Variants in SLCO4C1 observed in about 807,000 individuals in gnomAD.
SLCO4C1 encodes organic anion transporter M1.
SLCO4C1 carries 58 observed loss-of-function variants against 72.1 expected under a neutral mutation model. The ratio of observed to expected loss-of-function variants is 0.80; its 90% CI spans 0.65 to 1.00. SLCO4C1 has a LOEUF of 1.00. SLCO4C1 is among the 50% of genes least tolerant of loss of function. SLCO4C1 has a pLI of 0.00. For missense variants in SLCO4C1, 898 were observed against 857.9 expected (o/e 1.05, Z -0.58); for synonymous variants, 297 against 312.5 (o/e 0.95, Z 0.52).
chr5:102,289,232 T>C (rs1049067668), intron 2 of SLCO4C1, among the ~76,000 whole-genome samples: 13 of 152,338 alleles, frequency 8.5e-5, no homozygotes, highest in Admixed American at 7.2e-4. Flanking sequence ...AAGTTTATGA[T>C]CTGGCTTCAG....
chr5:102,263,923 C>T lies in SLCO4C1; in HGVS notation c.803-143G>A. 8.2e-6 allele frequency: 5 copies of T among 608,262 alleles called. No homozygotes were observed. The South Asian group carries it at 1.2e-4, about 15-fold the overall frequency. The allele number at this position is 608,262 out of a possible 1,614,324, so 37.7% of individuals were successfully genotyped here. On this transcript the variant is annotated intron_variant, in intron 3 of 12. Coordinates refer to ENST00000310954, the MANE Select transcript of SLCO4C1 (RefSeq NM_180991.5). ...CACACATATTTTCACTAAAACAATA[C>T]CATTTGAATTGATAGTCAAGTCAAA...
chr5:102,257,614 G>A (rs1036835039), intron 7 of SLCO4C1, among the ~76,000 whole-genome samples: 2 of 102,862 alleles, frequency 1.9e-5, no homozygotes, highest in Non-Finnish European at 3.8e-5. Context: ...TTAAGTTTAA[G>A]TGTCTTTTTT....
At chr5:102,237,722 A>C (rs1748465897) in intron 12 of SLCO4C1, among the ~76,000 whole-genome samples, 1 of 152,224 alleles carries the variant, frequency 6.6e-6, no homozygotes, top group Admixed American at 6.5e-5. Context: ...AACCTGAATA[A>C]ATTGAAGAAC....
At chr5:102,266,511 G>A (rs1203351414) in intron 3 of SLCO4C1, among the ~76,000 whole-genome samples, 1 of 152,060 alleles carries the variant, frequency 6.6e-6, no homozygotes, top group Non-Finnish European at 1.5e-5. Flanking sequence ...TTAGCCAGGT[G>A]TGGTGGCAGG....
intron 2 of SLCO4C1, among the ~76,000 whole-genome samples, chr5:102,277,583 T>C (rs1749269625): frequency 6.6e-6 from 1 of 152,140 alleles, no homozygotes; most frequent in South Asian, 2.1e-4. Context: ...AGTGGAGTTC[T>C]AGTGGAGATC....
At position 102,261,895 on chromosome 5, in the gene SLCO4C1, A is replaced by C; in HGVS notation, c.1021+17T>G. Reference sequence around the variant, plus strand: ...AATTAAAATAAACCTCTCTGGTTTTAAAGAAAGCATGTTTACCTGGTAAAT... The same window carrying C: ...AATTAAAATAAACCTCTCTGGTTTTCAAGAAAGCATGTTTACCTGGTAAAT... On this transcript the variant is annotated intron_variant, in intron 5 of 12. Coordinates refer to ENST00000310954, the MANE Select transcript of SLCO4C1 (RefSeq NM_180991.5). The C allele has an allele frequency of 1.2e-6, 2 of 1,604,258 alleles. No individual in the cohort carries two copies. Among genetic ancestry groups the C allele is most frequent in the African/African-American group, 1.3e-5 (1 of 74,260 alleles).
chr5:102,280,156 A>G (rs1212326517), intron 2 of SLCO4C1, among the ~76,000 whole-genome samples: 1 of 151,430 alleles, frequency 6.6e-6, no homozygotes, highest in African/African-American at 2.4e-5. Context: ...TACAGGAAGT[A>G]ATAAAACTGT....
intron 2 of SLCO4C1, among the ~76,000 whole-genome samples, chr5:102,281,459 G>A (rs539984728): frequency 1.4e-4 from 22 of 152,168 alleles, no homozygotes; most frequent in Non-Finnish European, 2.8e-4. Context: ...TATTTAAATT[G>A]AAAATTTTCA....
intron 10 of SLCO4C1, among the ~76,000 whole-genome samples, chr5:102,241,100 A>G (rs1394613295): frequency 6.6e-6 from 1 of 152,142 alleles, no homozygotes; most frequent in African/African-American, 2.4e-5. Context: ...TATGTATAGA[A>G]GGAGTGTACC....
chr5:102,258,822 A>G (rs959538250), intron 6 of SLCO4C1, among the ~76,000 whole-genome samples: 2 of 151,990 alleles, frequency 1.3e-5, no homozygotes, highest in African/African-American at 4.8e-5. Flanking sequence ...TCAGAGCCAC[A>G]TAGACTGACA....
chr5:102,245,539 CA>C (rs965702049), intron 10 of SLCO4C1, among the ~76,000 whole-genome samples: 20 of 152,164 alleles, frequency 1.3e-4, no homozygotes, highest in African/African-American at 4.8e-4. Context: ...CCCAGATATA[CA>C]AAGCAAATAT....
At position 102,244,046 on chromosome 5, in the gene SLCO4C1, G is replaced by T. The variant is rs1305882963; in HGVS notation, c.1811+3206C>A. On this transcript the variant is annotated intron_variant, in intron 10 of 12. Coordinates refer to ENST00000310954, the MANE Select transcript of SLCO4C1 (RefSeq NM_180991.5). ...TACCAAAAATACAAAAATTAGCTGG[G>T]CATGGTGGTGCACGTCTGTCATCCC... 3.9e-5 allele frequency among the ~76,000 whole-genome samples: 6 copies of T among 152,174 alleles called. No individual in the cohort carries two copies. The East Asian group carries it at 7.7e-4, about 20-fold the overall frequency.
Position 102,287,538 on chromosome 5 carries a change from T to C in SLCO4C1, c.619+3805A>G, listed in dbSNP as rs995296896. On this transcript the variant is annotated intron_variant, in intron 2 of 12. Transcript: ENST00000310954. ...AAAGAAGAGGTTTTTTCACTTCTTT[T>C]TTTTTTTTTTTTTTTTTTTGAGATG... Among the ~76,000 whole-genome samples the C allele has an allele frequency of 2.2e-3, 301 of 138,396 alleles. 1 individual carries two copies. The highest frequency in any genetic ancestry group is 3.8e-3 in the Non-Finnish European group (243 of 64,074). The allele number at this position is 138,396 out of a possible 152,430, so 90.8% of individuals were successfully genotyped here. A position where few individuals can be genotyped will look rare whatever the true frequency, so the allele number is the denominator to read the frequency against.
chr5:102,257,919 G>A (rs1353448723), intron 7 of SLCO4C1, 24 bp downstream of exon 7: 1 of 1,587,342 alleles, frequency 6.3e-7, no homozygotes, highest in Non-Finnish European at 8.5e-7. Context: ...AAATTTTTAG[G>A]TTAAGATAAA....
intron 2 of SLCO4C1, among the ~76,000 whole-genome samples, chr5:102,285,321 G>A (rs1342498543): frequency 6.6e-6 from 1 of 151,798 alleles, no homozygotes; most frequent in Non-Finnish European, 1.5e-5. Flanking sequence ...GTCTCACACT[G>A]TTGCCCAGGC....
chr5:102,245,221 A>G (rs961145920), intron 10 of SLCO4C1, among the ~76,000 whole-genome samples: 13 of 152,176 alleles, frequency 8.5e-5, no homozygotes, highest in Non-Finnish European at 1.9e-4. Flanking sequence ...ATCTAAAAGA[A>G]CTAAACTCTC....
chr5:102,247,220 AG>A, intron 10 of SLCO4C1, 31 bp downstream of exon 10: 1 of 1,439,330 alleles, frequency 6.9e-7, no homozygotes, highest in Non-Finnish European at 9.3e-7. Flanking sequence ...ATGTTGCCTT[AG>A]GGAATGAAAA....
At chr5:102,270,003 G>T (rs1250459496) in intron 3 of SLCO4C1, among the ~76,000 whole-genome samples, 1 of 151,924 alleles carries the variant, frequency 6.6e-6, no homozygotes, top group East Asian at 1.9e-4. Flanking sequence ...AGTGGCTTAG[G>T]CTACACTGAA....
chr5:102,285,534 C>G (rs1749436598), intron 2 of SLCO4C1, among the ~76,000 whole-genome samples: 1 of 152,172 alleles, frequency 6.6e-6, no homozygotes, highest in Non-Finnish European at 1.5e-5. Flanking sequence ...ATCCACCCAC[C>G]TCAGCCTCCC....
Sources: gnomAD v4.1 joint callset for allele counts (sites outside exome capture counted in the v4.1 genomes callset) on GRCh38, gnomAD v4.1.1 for gene constraint, MANE v1.5 for transcripts, NCBI Gene and HGNC (gene_info 2026-07-23, HGNC 2026-07-21) for gene names.